Variants in PRR16 observed in about 807,000 individuals in gnomAD.
PRR16 encodes protein Largen.
PRR16 carries 6 observed loss-of-function variants against 18.2 expected under a neutral mutation model. The ratio of observed to expected loss-of-function variants is 0.33; its 90% confidence interval spans 0.18 to 0.65. The LOEUF is 0.65. Among genes scored for constraint, PRR16 ranks in the 30% least tolerant of loss-of-function variants. The pLI is 0.74. For synonymous variants in PRR16, 151 were observed against 147.8 expected (o/e 1.02, Z -0.16); for missense variants, 412 against 376.6 (o/e 1.09, Z -0.78).
intron 1 of PRR16, among the ~76,000 whole-genome samples, chr5:120,628,466 G>A (rs1754939732): frequency 6.6e-6 from 1 of 151,914 alleles, no homozygotes; most frequent in South Asian, 2.1e-4. Flanking sequence ...ATGAAGCCTA[G>A]CACTGTGTTT....
At chr5:120,728,772 C>CT in the PRR16 span, among the ~76,000 whole-genome samples, 1 of 152,116 alleles carries the variant, frequency 6.6e-6, no homozygotes, top group Non-Finnish European at 1.5e-5. Context: ...ATTGTTTACT[C>CT]TACTTATTCT....
the PRR16 span, among the ~76,000 whole-genome samples, chr5:120,748,074 G>T: frequency 3.3e-5 from 5 of 151,924 alleles, no homozygotes; most frequent in African/African-American, 1.2e-4. Context: ...ATCTCTATTT[G>T]GGAGTCCCTC....
intron 1 of PRR16, among the ~76,000 whole-genome samples, chr5:120,574,478 C>T (rs934507091): frequency 3.3e-5 from 5 of 151,970 alleles, no homozygotes; most frequent in African/African-American, 1.2e-4. Context: ...GTGGCATGCA[C>T]CTGTAATCCC....
chr5:120,512,280 T>G (rs1750853428), intron 1 of PRR16, among the ~76,000 whole-genome samples: 1 of 152,134 alleles, frequency 6.6e-6, no homozygotes, highest in Non-Finnish European at 1.5e-5. Context: ...CCTGGTAGCT[T>G]TGAGAGCTTG....
At chr5:120,760,606 G>A in the PRR16 span, among the ~76,000 whole-genome samples, 1 of 151,164 alleles carries the variant, frequency 6.6e-6, no homozygotes, top group East Asian at 1.9e-4. Context: ...TAAAGCCAAA[G>A]CATGTTGCTT....
chr5:120,690,718 T>C (rs1317182330), downstream of PRR16, among the ~76,000 whole-genome samples: 3 of 152,190 alleles, frequency 2.0e-5, no homozygotes, highest in African/African-American at 7.2e-5. Flanking sequence ...TACATGATTT[T>C]GAAATAATGG....
At chr5:120,548,526 G>A (rs1478151149) in intron 1 of PRR16, among the ~76,000 whole-genome samples, 1 of 152,000 alleles carries the variant, frequency 6.6e-6, no homozygotes, top group Admixed American at 6.6e-5. Flanking sequence ...AGATAAATTG[G>A]GAAGTGTCTA....
chr5:120,629,741 TGTTTG>T (rs386691749), intron 1 of PRR16, among the ~76,000 whole-genome samples: 2 of 151,748 alleles, frequency 1.3e-5, no homozygotes, highest in Non-Finnish European at 3.0e-5. Flanking sequence ...TAGAAGACTC[TGTTTG>T]TTTTTTTGAA....
chr5:120,708,438 C>T, the PRR16 span, among the ~76,000 whole-genome samples: 2 of 152,062 alleles, frequency 1.3e-5, no homozygotes, highest in Non-Finnish European at 1.5e-5. Context: ...GTAATGAGCT[C>T]CTGGTTGAAT....
At chr5:120,652,225 G>T (rs1248806938) in intron 1 of PRR16, among the ~76,000 whole-genome samples, 2 of 151,382 alleles carry the variant, frequency 1.3e-5, no homozygotes, top group African/African-American at 2.4e-5. Context: ...TATTTGCAAT[G>T]GTGTCTATGT....
At chr5:120,662,771 A>G (rs922292117) in intron 1 of PRR16, among the ~76,000 whole-genome samples, 1 of 152,112 alleles carries the variant, frequency 6.6e-6, no homozygotes, top group African/African-American at 2.4e-5. Context: ...TGATCCTCCT[A>G]GGCAAGGCCC....
chr5:120,761,403 C>G, the PRR16 span, among the ~76,000 whole-genome samples: 12 of 152,196 alleles, frequency 7.9e-5, no homozygotes, highest in African/African-American at 2.9e-4. Flanking sequence ...CTTGGCAAAA[C>G]TACCCCTAGA....
chr5:120,477,266 A>T (rs528816920), intron 1 of PRR16, among the ~76,000 whole-genome samples: 7 of 152,184 alleles, frequency 4.6e-5, no homozygotes, highest in Admixed American at 3.3e-4. Context: ...CCCTATCTCT[A>T]CTTGGCTAAG....
intron 1 of PRR16, among the ~76,000 whole-genome samples, chr5:120,566,243 G>A (rs919906518): frequency 3.9e-5 from 6 of 152,040 alleles, no homozygotes; most frequent in Non-Finnish European, 8.8e-5. Context: ...CTTCCTCAAG[G>A]CCCTCACCAG....
intron 1 of PRR16, among the ~76,000 whole-genome samples, chr5:120,553,894 A>T (rs896255626): frequency 3.9e-5 from 6 of 151,944 alleles, no homozygotes; most frequent in Non-Finnish European, 7.4e-5. Context: ...CTAGCAAGTC[A>T]TACAGTAGGA....
At chr5:120,775,633 T>C in the PRR16 span, among the ~76,000 whole-genome samples, 2 of 135,898 alleles carry the variant, frequency 1.5e-5, no homozygotes, top group Non-Finnish European at 3.3e-5. Context: ...TTCTTTCTCC[T>C]TTTTTTTTTT....
chr5:120,692,494 C>A, the PRR16 span, among the ~76,000 whole-genome samples: 1 of 152,072 alleles, frequency 6.6e-6, no homozygotes, highest in African/African-American at 2.4e-5. Flanking sequence ...ATTTATGCAC[C>A]AAAGATTGGT....
chr5:120,756,021 A>T, the PRR16 span, among the ~76,000 whole-genome samples: 4 of 152,106 alleles, frequency 2.6e-5, no homozygotes, highest in African/African-American at 9.7e-5. Context: ...AATGACCTGC[A>T]ACTAGTCTGA....
At chr5:120,608,767 C>G (rs891229169) in intron 1 of PRR16, among the ~76,000 whole-genome samples, 2 of 152,034 alleles carry the variant, frequency 1.3e-5, no homozygotes, top group African/African-American at 4.8e-5. Context: ...TCTCTCATTG[C>G]TTTTTTAAAT....
Sources: gnomAD v4.1 joint callset for allele counts (sites outside exome capture counted in the v4.1 genomes callset) on GRCh38, gnomAD v4.1.1 for gene constraint, MANE v1.5 for transcripts, NCBI Gene and HGNC (gene_info 2026-07-23, HGNC 2026-07-21) for gene names.